Variants in LDLRAD4 observed in about 807,000 individuals in gnomAD.
The protein encoded by LDLRAD4 is low density lipoprotein receptor class A domain containing 4.
In LDLRAD4, 5 loss-of-function variants were observed where a neutral mutation model predicts 17.0. The observed-to-expected ratio is 0.29, with a 90% confidence interval of 0.15 to 0.62. LDLRAD4 has a LOEUF of 0.62. Among genes scored for constraint, LDLRAD4 ranks in the 20% least tolerant of loss-of-function variants. The pLI is 0.84. For missense variants in LDLRAD4, 340 were observed against 424.7 expected (o/e 0.80, Z 1.75); for synonymous variants, 168 against 171.8 (o/e 0.98, Z 0.17).
chr18:13,638,917 C>T (rs1465105661), intron 4 of LDLRAD4, among the ~76,000 whole-genome samples: 1 of 152,160 alleles, frequency 6.6e-6, no homozygotes, highest in Non-Finnish European at 1.5e-5. Flanking sequence ...AGGACTGAGA[C>T]CCGCTGCAAG....
chr18:13,267,430 A>G (rs934396983), intron 1 of LDLRAD4, among the ~76,000 whole-genome samples: 4 of 152,206 alleles, frequency 2.6e-5, no homozygotes, highest in African/African-American at 7.2e-5. Context: ...CACCTGTCAC[A>G]TGTGGTGGTG....
At position 13,557,950 on chromosome 18, in the gene LDLRAD4, A is replaced by G. The variant is rs113931428; in HGVS notation, c.182-63167A>G. On this transcript the variant is annotated intron_variant, in intron 3 of 5. Transcript: ENST00000359446. ...AGAAGTAAGTTGTTAAACAGGAACAAAATCTAATCATTTTTTCAAGGTACA... is the reference window on the plus strand; with the variant it reads ...AGAAGTAAGTTGTTAAACAGGAACAGAATCTAATCATTTTTTCAAGGTACA... Among the ~76,000 whole-genome samples the G allele has an allele frequency of 7.5e-3, 1,145 of 152,322 alleles. 16 individuals are homozygous for G. Among genetic ancestry groups the G allele is most frequent in the African/African-American group, 0.026 (1,090 of 41,552 alleles).
chr18:13,428,853 G>C (rs1005917938), intron 2 of LDLRAD4, among the ~76,000 whole-genome samples: 1 of 152,152 alleles, frequency 6.6e-6, no homozygotes, highest in Non-Finnish European at 1.5e-5. Context: ...TGAGGTATTT[G>C]GCCTTGGACA....
chr18:13,406,907 G>C (rs1357234158), intron 2 of LDLRAD4, among the ~76,000 whole-genome samples: 1 of 152,052 alleles, frequency 6.6e-6, no homozygotes, highest in African/African-American at 2.4e-5. Context: ...AGGTGGACTT[G>C]AGTCCATAAC....
At chr18:13,453,389 T>C (rs1364643472) in intron 3 of LDLRAD4, among the ~76,000 whole-genome samples, 3 of 152,150 alleles carry the variant, frequency 2.0e-5, no homozygotes, top group Non-Finnish European at 4.4e-5. Context: ...TGTGCACTTT[T>C]TGTATCACAG....
intron 3 of LDLRAD4, among the ~76,000 whole-genome samples, chr18:13,541,820 A>C (rs1299940631): frequency 6.8e-6 from 1 of 147,610 alleles, no homozygotes; most frequent in East Asian, 1.9e-4. Flanking sequence ...TGGGAGACCA[A>C]GCCAGGAGGA....
At chr18:13,429,126 G>A (rs2090150141) in intron 2 of LDLRAD4, among the ~76,000 whole-genome samples, 2 of 152,118 alleles carry the variant, frequency 1.3e-5, no homozygotes, top group Admixed American at 1.3e-4. Flanking sequence ...AGTGCCATGT[G>A]CGTCGGGACA....
At chr18:13,391,351 C>A (rs769356282) in intron 2 of LDLRAD4, among the ~76,000 whole-genome samples, 5 of 152,026 alleles carry the variant, frequency 3.3e-5, no homozygotes, top group Non-Finnish European at 5.9e-5. Context: ...TTGTTTGGAG[C>A]GTGTGAAAGT....
At chr18:13,423,362 G>A (rs911190481) in intron 2 of LDLRAD4, among the ~76,000 whole-genome samples, 5 of 151,774 alleles carry the variant, frequency 3.3e-5, no homozygotes, top group African/African-American at 1.2e-4. Flanking sequence ...GCATGGTGGC[G>A]GGCTCCTGTA....
intron 1 of LDLRAD4, among the ~76,000 whole-genome samples, chr18:13,356,818 T>C (rs1393569464): frequency 6.6e-6 from 1 of 152,242 alleles, no homozygotes; most frequent in Non-Finnish European, 1.5e-5. Context: ...TATAGTTTAA[T>C]CTTCTCTAAT....
intron 3 of LDLRAD4, among the ~76,000 whole-genome samples, chr18:13,616,610 C>T (rs578054436): frequency 4.6e-5 from 7 of 152,238 alleles, no homozygotes; most frequent in Admixed American, 3.9e-4. Context: ...TTCGGGAGCA[C>T]CCACCGGCCA....
intron 1 of LDLRAD4, among the ~76,000 whole-genome samples, chr18:13,319,142 C>T (rs1202438400): frequency 6.6e-6 from 1 of 152,196 alleles, no homozygotes; most frequent in Non-Finnish European, 1.5e-5. Flanking sequence ...TTAAATACTT[C>T]ATAGTATTGA....
chr18:13,555,419 C>T (rs2094473972), intron 3 of LDLRAD4, among the ~76,000 whole-genome samples: 1 of 152,152 alleles, frequency 6.6e-6, no homozygotes, highest in South Asian at 2.1e-4. Context: ...TCCCTCCTTC[C>T]CCTCATCTCT....
chr18:13,374,674 A>G (rs576323554), intron 1 of LDLRAD4, among the ~76,000 whole-genome samples: 84 of 152,340 alleles, frequency 5.5e-4, no homozygotes, highest in African/African-American at 1.5e-3. Flanking sequence ...TAGTGATTCA[A>G]TTGGTCTGGG....
At chr18:13,237,428 G>T (rs923826089) in intron 1 of LDLRAD4, among the ~76,000 whole-genome samples, 1 of 152,178 alleles carries the variant, frequency 6.6e-6, no homozygotes, top group Non-Finnish European at 1.5e-5. Flanking sequence ...TACCAAGGAA[G>T]GTTCTGTGGT....
chr18:13,447,376 C>T (rs2091483949), intron 3 of LDLRAD4, among the ~76,000 whole-genome samples: 1 of 152,090 alleles, frequency 6.6e-6, no homozygotes, highest in Non-Finnish European at 1.5e-5. Flanking sequence ...GTGTTGGCTG[C>T]CTTTGTTTCT....
chr18:13,386,241 A>G (rs2085787298), intron 1 of LDLRAD4, among the ~76,000 whole-genome samples: 1 of 152,192 alleles, frequency 6.6e-6, no homozygotes, highest in Non-Finnish European at 1.5e-5. Flanking sequence ...AATATTGGAG[A>G]CTGATATTCA....
chr18:13,229,183 G>C (rs770470788), intron 1 of LDLRAD4, among the ~76,000 whole-genome samples: 3 of 152,214 alleles, frequency 2.0e-5, no homozygotes, highest in Non-Finnish European at 2.9e-5. Context: ...ATCATCCGTG[G>C]TGTCCTTGGG....
At chr18:13,548,903 A>G (rs1190719673) in intron 3 of LDLRAD4, among the ~76,000 whole-genome samples, 1 of 152,270 alleles carries the variant, frequency 6.6e-6, no homozygotes, top group African/African-American at 2.4e-5. Flanking sequence ...AATAAATATG[A>G]GATGGGATAA....
Sources: gnomAD v4.1 joint callset for allele counts (sites outside exome capture counted in the v4.1 genomes callset) on GRCh38, gnomAD v4.1.1 for gene constraint, MANE v1.5 for transcripts, NCBI Gene and HGNC (gene_info 2026-07-23, HGNC 2026-07-21) for gene names.